The following ATP10B variants were observed in gnomAD, a reference collection of about 807,000 sequenced individuals.
ATP10B encodes ATPase phospholipid transporting 10B (putative), also known as phospholipid-transporting ATPase VB.
A neutral mutation model predicts 141.2 loss-of-function variants in ATP10B; 122 were observed. That is an observed-to-expected ratio of 0.86 (90% CI 0.75 to 1.00). ATP10B has a LOEUF of 1.00. Ranked by LOEUF, ATP10B falls within the 50% of genes least tolerant of loss-of-function variation. The pLI, the probability that ATP10B is intolerant of heterozygous loss-of-function variation, is 0.00. For synonymous variants in ATP10B, 685 were observed against 692.0 expected (o/e 0.99, Z 0.16); for missense variants, 1,876 against 1,825.3 (o/e 1.03, Z -0.51).
chr5:160,709,199 T>C (rs1765205707), intron 3 of ATP10B, among the ~76,000 whole-genome samples: 2 of 152,156 alleles, frequency 1.3e-5, no homozygotes, highest in South Asian at 4.1e-4. Flanking sequence ...CTTATGGTCT[T>C]GAGGTAGGGA....
chr5:160,636,044 AG>A, intron 11 of ATP10B, 137 bp downstream of exon 11: 1 of 1,037,286 alleles, frequency 9.6e-7, no homozygotes, highest in Non-Finnish European at 1.3e-6. Context: ...AAGACGCACA[AG>A]AAAGCGATGA....
intron 1 of ATP10B, among the ~76,000 whole-genome samples, chr5:160,827,254 A>G (rs1774683562): frequency 1.3e-5 from 2 of 152,192 alleles, no homozygotes; most frequent in African/African-American, 2.4e-5. Context: ...AGAAAATAGG[A>G]AGAACCTACG....
intron 3 of ATP10B, among the ~76,000 whole-genome samples, chr5:160,690,056 A>T (rs1339380087): frequency 6.6e-6 from 1 of 152,030 alleles, no homozygotes. Flanking sequence ...AATGCCACAC[A>T]TCTACAACCA....
At chr5:160,816,584 C>T (rs987877049) in intron 1 of ATP10B, among the ~76,000 whole-genome samples, 1 of 152,166 alleles carries the variant, frequency 6.6e-6, no homozygotes, top group Admixed American at 6.5e-5. Context: ...CAAGGAGGGG[C>T]TGGTACCATA....
chr5:160,797,658 TGAACAAACTAGGAGG>T (rs1207422369), intron 1 of ATP10B, among the ~76,000 whole-genome samples: 1 of 152,212 alleles, frequency 6.6e-6, no homozygotes, highest in South Asian at 2.1e-4. Flanking sequence ...AGATGCTGTG[TGAACAAACTAGGAGG>T]GAACAAACTA....
chr5:160,680,614 G>A (rs992564001), intron 6 of ATP10B, among the ~76,000 whole-genome samples: 1 of 152,154 alleles, frequency 6.6e-6, no homozygotes, highest in Non-Finnish European at 1.5e-5. Flanking sequence ...AGGACATTGA[G>A]GTGGCTTCTC....
intron 1 of ATP10B, among the ~76,000 whole-genome samples, chr5:160,824,984 G>A (rs1230957311): frequency 5.9e-5 from 9 of 151,930 alleles, no homozygotes; most frequent in Admixed American, 5.2e-4. Flanking sequence ...CATTTCCAGA[G>A]CATGTCAACT....
chr5:160,749,937 T>A (rs1768045831), intron 2 of ATP10B, among the ~76,000 whole-genome samples: 1 of 152,162 alleles, frequency 6.6e-6, no homozygotes, highest in Non-Finnish European at 1.5e-5. Flanking sequence ...CGAATGAGAA[T>A]GTTGAACTCC....
chr5:160,888,384 G>A, the ATP10B span, among the ~76,000 whole-genome samples: 1 of 152,230 alleles, frequency 6.6e-6, no homozygotes, highest in Non-Finnish European at 1.5e-5. Context: ...CTGCTTCAAA[G>A]ATGCAGAAGT....
At chr5:160,803,397 G>T (rs912907657) in intron 1 of ATP10B, among the ~76,000 whole-genome samples, 2 of 152,176 alleles carry the variant, frequency 1.3e-5, no homozygotes, top group Admixed American at 1.3e-4. Context: ...GGCTACTTGG[G>T]CCAGGCACGG....
chr5:160,600,155 G>C (rs890454631), intron 21 of ATP10B, among the ~76,000 whole-genome samples: 7 of 152,050 alleles, frequency 4.6e-5, no homozygotes, highest in African/African-American at 1.7e-4. Context: ...GGTTAATATT[G>C]CTATAGTAGT....
chr5:160,849,968 T>C (rs1753697309), intron 1 of ATP10B, among the ~76,000 whole-genome samples: 1 of 152,222 alleles, frequency 6.6e-6, no homozygotes, highest in African/African-American at 2.4e-5. Context: ...TAAGAATGCC[T>C]GGCTAAGTTT....
At chr5:160,790,251 C>T (rs116067841) in intron 1 of ATP10B, among the ~76,000 whole-genome samples, 5,900 of 152,246 alleles carry the variant, frequency 0.039, 169 homozygotes, top group Non-Finnish European at 0.06. Flanking sequence ...TTTTCCAATC[C>T]TATCCTCAAT....
chr5:160,691,061 A>G (rs533780159), intron 3 of ATP10B, among the ~76,000 whole-genome samples: 1 of 152,310 alleles, frequency 6.6e-6, no homozygotes, highest in East Asian at 1.9e-4. Flanking sequence ...TTGTAGGGAC[A>G]TGGATGAAGC....
the ATP10B span, among the ~76,000 whole-genome samples, chr5:160,898,083 A>T: frequency 6.6e-6 from 1 of 151,942 alleles, no homozygotes; most frequent in Non-Finnish European, 1.5e-5. Flanking sequence ...AAACCGTAAA[A>T]ACTAAAAGGT....
chr5:160,737,320 A>G (rs1158620901), intron 2 of ATP10B, among the ~76,000 whole-genome samples: 1 of 152,216 alleles, frequency 6.6e-6, no homozygotes, highest in Non-Finnish European at 1.5e-5. Context: ...AAAAACTGAA[A>G]GCCTTTTCTC....
At chr5:160,652,936 C>T (rs1483333489) in intron 7 of ATP10B, among the ~76,000 whole-genome samples, 17 of 72,976 alleles carry the variant, frequency 2.3e-4, no homozygotes, top group Non-Finnish European at 3.4e-4. Flanking sequence ...ATTATATATA[C>T]ATGTATATAT....
chr5:160,892,475 G>C, the ATP10B span, among the ~76,000 whole-genome samples: 1 of 152,232 alleles, frequency 6.6e-6, no homozygotes, highest in East Asian at 1.9e-4. Flanking sequence ...ATAATTTTTG[G>C]GGGCACTGCA....
the ATP10B span, among the ~76,000 whole-genome samples, chr5:160,903,501 G>A: frequency 3.3e-5 from 5 of 152,292 alleles, no homozygotes; most frequent in South Asian, 1.0e-3. Context: ...CATTTACTCT[G>A]TAAATGGAAA....
Sources: allele counts gnomAD v4.1 joint callset (sites outside exome capture counted in the v4.1 genomes callset), GRCh38; gene constraint gnomAD v4.1.1; transcripts MANE v1.5; gene names NCBI Gene and HGNC (gene_info 2026-07-23, HGNC 2026-07-21).